The following GRID2 variants were observed in gnomAD, a reference collection of about 807,000 sequenced individuals.
GRID2 encodes glutamate ionotropic receptor delta type subunit 2, also known as glutamate receptor ionotropic, delta-2.
GRID2 carries 33 observed loss-of-function variants against 114.8 expected under a neutral mutation model. That is an observed-to-expected ratio of 0.29 (90% CI 0.22 to 0.38). The LOEUF is 0.38. GRID2 is among the 10% of genes least tolerant of loss of function. GRID2 has a pLI of 1.00. For missense variants in GRID2, 1,184 were observed against 1,257.7 expected (o/e 0.94, Z 0.89); for synonymous variants, 505 against 449.9 (o/e 1.12, Z -1.55).
intron 2 of GRID2, among the ~76,000 whole-genome samples, chr4:93,021,602 A>G (rs1723327563): frequency 6.9e-6 from 1 of 145,598 alleles, no homozygotes; most frequent in Admixed American, 6.9e-5. Flanking sequence ...TCTTAATCTT[A>G]TATATTATTT....
At chr4:92,983,344 A>C (rs961185898) in intron 2 of GRID2, among the ~76,000 whole-genome samples, 1 of 151,942 alleles carries the variant, frequency 6.6e-6, no homozygotes, top group Non-Finnish European at 1.5e-5. Context: ...TTCCATTTTT[A>C]AGTGCCTTTT....
intron 1 of GRID2, among the ~76,000 whole-genome samples, chr4:92,417,775 C>T (rs1413247621): frequency 6.6e-6 from 1 of 152,028 alleles, no homozygotes; most frequent in Non-Finnish European, 1.5e-5. Flanking sequence ...GTAATAATTC[C>T]CACATGTCAT....
At chr4:92,659,839 C>A (rs779614914) in intron 2 of GRID2, among the ~76,000 whole-genome samples, 6 of 151,312 alleles carry the variant, frequency 4.0e-5, no homozygotes, top group Non-Finnish European at 8.9e-5. Context: ...CTTTACATTT[C>A]CATTTTTGTA....
At chr4:92,972,051 C>T (rs1753550698) in intron 2 of GRID2, among the ~76,000 whole-genome samples, 1 of 151,940 alleles carries the variant, frequency 6.6e-6, no homozygotes, top group African/African-American at 2.4e-5. Context: ...GGATAAATAC[C>T]CAATAGTAGT....
At chr4:92,685,169 CATT>C (rs1306007492) in intron 2 of GRID2, among the ~76,000 whole-genome samples, 2 of 151,884 alleles carry the variant, frequency 1.3e-5, no homozygotes, top group Admixed American at 6.6e-5. Flanking sequence ...AATATTTTAT[CATT>C]ATAGAAATGT....
intron 4 of GRID2, among the ~76,000 whole-genome samples, chr4:93,155,239 G>A (rs756520944): frequency 3.3e-5 from 5 of 151,864 alleles, no homozygotes; most frequent in Non-Finnish European, 7.4e-5. Context: ...AAATATCCTT[G>A]AAATCATGTT....
At chr4:93,597,985 C>A (rs1393741364) in intron 13 of GRID2, among the ~76,000 whole-genome samples, 1 of 152,180 alleles carries the variant, frequency 6.6e-6, no homozygotes. Context: ...TAAAGGATTG[C>A]AGCCTTATTC....
At chr4:93,156,664 G>A (rs1313145701) in intron 4 of GRID2, among the ~76,000 whole-genome samples, 1 of 151,700 alleles carries the variant, frequency 6.6e-6, no homozygotes, top group Non-Finnish European at 1.5e-5. Flanking sequence ...GGCAAGGGTG[G>A]AAATGGGTGG....
At chr4:93,592,381 T>C (rs548205075) in intron 13 of GRID2, among the ~76,000 whole-genome samples, 1 of 152,374 alleles carries the variant, frequency 6.6e-6, no homozygotes, top group South Asian at 2.1e-4. Flanking sequence ...GTGAGATTCT[T>C]AATCCTGAGT....
chr4:93,302,827 G>A (rs1755018303), intron 8 of GRID2, among the ~76,000 whole-genome samples: 1 of 152,168 alleles, frequency 6.6e-6, no homozygotes, highest in Non-Finnish European at 1.5e-5. Flanking sequence ...GATTCTACAT[G>A]AATATTTCCA....
At chr4:92,528,004 G>T (rs1725128125) in intron 1 of GRID2, among the ~76,000 whole-genome samples, 2 of 151,824 alleles carry the variant, frequency 1.3e-5, no homozygotes, top group Admixed American at 6.6e-5. Context: ...TAAAAACAAT[G>T]ATATTTTTGA....
chr4:92,313,018 T>C (rs1725783424), intron 1 of GRID2, among the ~76,000 whole-genome samples: 1 of 151,214 alleles, frequency 6.6e-6, no homozygotes, highest in South Asian at 2.1e-4. Flanking sequence ...CAATTCACAA[T>C]AGCAAAATCA....
At chr4:93,590,896 C>A (rs1738199121) in intron 13 of GRID2, among the ~76,000 whole-genome samples, 1 of 150,334 alleles carries the variant, frequency 6.7e-6, no homozygotes, top group Non-Finnish European at 1.5e-5. Context: ...GATTTTTGCA[C>A]ATTGATTTTG....
At chr4:93,289,491 T>C (rs1371069884) in intron 8 of GRID2, among the ~76,000 whole-genome samples, 5 of 152,108 alleles carry the variant, frequency 3.3e-5, no homozygotes, top group Non-Finnish European at 5.9e-5. Flanking sequence ...CTTTTCCCAT[T>C]GTATAATAGT....
At chr4:93,673,051 G>C (rs977272579) in intron 14 of GRID2, among the ~76,000 whole-genome samples, 1 of 152,256 alleles carries the variant, frequency 6.6e-6, no homozygotes, top group South Asian at 2.1e-4. Flanking sequence ...TTTCAGCCCT[G>C]ATGAGAAATG....
At chr4:92,351,517 C>A (rs1397186869) in intron 1 of GRID2, among the ~76,000 whole-genome samples, 1 of 151,744 alleles carries the variant, frequency 6.6e-6, no homozygotes, top group Non-Finnish European at 1.5e-5. Flanking sequence ...GATCTTTCAA[C>A]ATCCTCTCTT....
At chr4:93,018,435 GT>G (rs1359675441) in intron 2 of GRID2, among the ~76,000 whole-genome samples, 1 of 152,124 alleles carries the variant, frequency 6.6e-6, no homozygotes, top group African/African-American at 2.4e-5. Context: ...GGTGAGAGAT[GT>G]TGGCATTGTG....
intron 11 of GRID2, among the ~76,000 whole-genome samples, chr4:93,469,369 A>G (rs1323033037): frequency 6.6e-6 from 1 of 152,034 alleles, no homozygotes; most frequent in South Asian, 2.1e-4. Flanking sequence ...TCTACTAATA[A>G]TGCCTTTCAG....
chr4:93,110,863 G>C lies in GRID2; in HGVS notation c.645G>C (p.Met215Ile). 6.2e-7 allele frequency: 1 copy of C among 1,611,758 alleles called. No individual in the cohort carries two copies. Among genetic ancestry groups the C allele is most frequent in the East Asian group, 2.2e-5 (1 of 44,868 alleles). ...NKMITTLFDT[M>I]RIEELNRYRD... ...TGATTACCACTCTCTTTGACACCAT[G>C]AGAATAGAAGAACTGAATCGCTATC... The change falls in exon 4 of 16, where the codon ATG becomes ATC. Residue 215 changes from methionine to isoleucine, a missense_variant. Physicochemically the swap from Met to Ile is conservative, Grantham distance 10 (BLOSUM62 1). Transcript: ENST00000282020.
Sources: gnomAD v4.1 joint callset for allele counts (sites outside exome capture counted in the v4.1 genomes callset) on GRCh38, gnomAD v4.1.1 for gene constraint, MANE v1.5 for transcripts, NCBI Gene and HGNC (gene_info 2026-07-23, HGNC 2026-07-21) for gene names.